NKTR: variants seen among roughly 807,000 people sequenced by gnomAD.
NKTR encodes natural killer cell triggering receptor.
A neutral mutation model predicts 156.3 loss-of-function variants in NKTR; 67 were observed. The observed-to-expected ratio is 0.43, with a 90% CI of 0.35 to 0.53. The LOEUF is 0.53. Ranked by LOEUF, NKTR falls within the 20% of genes least tolerant of loss-of-function variation. The probability of loss-of-function intolerance (pLI) is 0.01; values close to 1 mark genes in which losing one functional copy is unlikely to be tolerated. For synonymous variants in NKTR, 640 were observed against 596.6 expected (o/e 1.07, Z -1.06); for missense variants, 1,604 against 1,730.9 (o/e 0.93, Z 1.30).
chr3:42,633,431 T>C, intron 9 of NKTR, 149 bp from the exon 10 acceptor site: 1 of 1,415,256 alleles, frequency 7.1e-7, no homozygotes, highest in African/African-American at 1.4e-5. Context: ...GGGTTGATAT[T>C]GTTCTCTTTG....
At position 42,647,305 on chromosome 3, in the gene NKTR, T is replaced by TGTGTGTGG. The variant is rs1710417472; in HGVS notation, c.*1330_*1331insGTGTGTGG. ...GTGTGTGTGTGTGTGTGTGTGTGGT[T>TGTGTGTGG]TTTTTTTTTAATCTTTACTTTGAAT... On this transcript the variant is annotated 3_prime_UTR_variant, in exon 17 of 17. Coordinates refer to ENST00000232978, the MANE Select transcript of NKTR (RefSeq NM_005385.4). 2.0e-5 allele frequency: 3 copies of TGTGTGTGG among 146,758 alleles called. No individual in the cohort carries two copies. The highest frequency in any genetic ancestry group is 4.5e-5 in the Non-Finnish European group (3 of 66,398). 9.1% of individuals were successfully genotyped at this position (146,758 alleles called of 1,614,324 possible).
At chr3:42,636,632 T>C (rs973013217) in intron 12 of NKTR, among the ~76,000 whole-genome samples, 1 of 152,160 alleles carries the variant, frequency 6.6e-6, no homozygotes, top group Non-Finnish European at 1.5e-5. Flanking sequence ...TCCTAACAAA[T>C]GTAAGGTTCT....
rs567205257 is a variant in NKTR at position 42,601,151 on chromosome 3, C to T, written c.58+87C>T. 2.2e-3 allele frequency: 2,542 copies of T among 1,161,078 alleles called. 7 individuals are homozygous for T. Among genetic ancestry groups the T allele is most frequent in the Admixed American group, 3.0e-3 (98 of 33,200 alleles). The allele number at this position is 1,161,078 out of a possible 1,614,324, so 71.9% of individuals were successfully genotyped here. A position where few individuals can be genotyped will look rare whatever the true frequency, so the allele number is the denominator to read the frequency against. On this transcript the variant is annotated intron_variant, in intron 2 of 16. Coordinates refer to ENST00000232978, the MANE Select transcript of NKTR (RefSeq NM_005385.4). The stretch of plus-strand genomic sequence containing the variant: ...CTACCCTCAGCAACCCTCCCCCGGC[C>T]TTTTTGGGAGCGGGTAGGAGGCGCA...
intron 12 of NKTR, 67 bp downstream of exon 12, chr3:42,635,433 C>A (rs17074693): frequency 0.15 from 178,808 of 1,220,670 alleles, 14,580 homozygotes; most frequent in African/African-American, 0.3. Flanking sequence ...GGATTGGATA[C>A]AATTCTGGAC....
In NKTR at chr3:42,638,430, A is replaced by G; in HGVS notation, c.2726A>G (p.Lys909Arg). The change falls in exon 13 of 17, where the codon AAG becomes AGG. Residue 909 changes from lysine (K) to arginine (R), a missense_variant. This residue lies in a region of NKTR where 1,255 missense variants were observed against 1,243.7 expected (regional missense o/e 1.01). Transcript: ENST00000232978. The stretch of plus-strand genomic sequence containing the variant: ...AATGACTCCCATCCATCCTCTGACA[A>G]GGAAGAAGGTGAGGCCACATCCGAT... ...SKNDSHPSSD[K>R]EEGEATSDSE... The G allele has an allele frequency of 6.2e-7, 1 of 1,613,370 alleles. No individual in the cohort carries two copies. The highest frequency in any genetic ancestry group is 8.5e-7 in the Non-Finnish European group (1 of 1,179,812).
chr3:42,635,062 A>G (rs1378892454), intron 11 of NKTR, 159 bp from the exon 12 acceptor site: 7 of 255,484 alleles, frequency 2.7e-5, no homozygotes, highest in Non-Finnish European at 4.2e-5. Flanking sequence ...AAAACTAAAA[A>G]AAAAAAAAAA....
intron 14 of NKTR, 76 bp from the exon 15 acceptor site, chr3:42,643,263 T>A: frequency 8.6e-7 from 1 of 1,165,360 alleles, no homozygotes. Context: ...GATGGGCAAA[T>A]AAATGTCTAG....
chr3:42,635,012 T>G (rs1335461906), intron 11 of NKTR: 1 of 449,912 alleles, frequency 2.2e-6, no homozygotes, highest in Non-Finnish European at 3.9e-6. Flanking sequence ...TTTTAATGCC[T>G]TGTTTGAAAT....
rs1705328453 is a variant in NKTR, at chr3:42,600,878, G to A, written c.-24+100G>A. 5 of 655,530 alleles carry A rather than the reference G, an allele frequency of 7.6e-6. No individual in the cohort carries two copies. The Admixed American group carries it at 1.7e-4, about 23-fold the overall frequency. The allele number at this position is 655,530 out of a possible 1,614,324, so 40.6% of individuals were successfully genotyped here. On this transcript the variant is annotated intron_variant, in intron 1 of 16. Transcript: ENST00000232978. The stretch of plus-strand genomic sequence containing the variant: ...GCCTCCTGCGCTGTCGCGACGGGCC[G>A]GCGTGAGGCACCGTGGCGCGGACTT...
chr3:42,607,743 T>C (rs1306894365), intron 2 of NKTR, among the ~76,000 whole-genome samples: 2 of 151,994 alleles, frequency 1.3e-5, no homozygotes, highest in Admixed American at 1.3e-4. Flanking sequence ...GGAAAAAACA[T>C]GTAAAGGGCA....
intron 6 of NKTR, chr3:42,628,731 G>C (rs758062641): frequency 2.8e-5 from 27 of 975,112 alleles, no homozygotes; most frequent in Non-Finnish European, 3.2e-5. Context: ...GCTGGGTGTG[G>C]TGGCTCATGC....
chr3:42,632,978 G>T (rs973819409), intron 9 of NKTR, 155 bp downstream of exon 9: 13 of 1,313,712 alleles, frequency 9.9e-6, no homozygotes, highest in African/African-American at 1.5e-5. Context: ...TCTAGGAGTA[G>T]GTAGCATAGG....
Position 42,619,793 on chromosome 3 carries a change from A to G in NKTR, c.286+85A>G. The G allele has an allele frequency of 1.9e-6, 3 of 1,555,236 alleles. No homozygotes were observed. In the South Asian group the frequency reaches 3.7e-5, roughly 19 times the overall value. Reference sequence around the variant, plus strand: ...ATATACTTTTAATGAGAAGAGGTTTACTTATAGTTCACTTTTTGCATGAAA... The same window carrying G: ...ATATACTTTTAATGAGAAGAGGTTTGCTTATAGTTCACTTTTTGCATGAAA... On this transcript the variant is annotated intron_variant, in intron 5 of 16. Transcript: ENST00000232978.
intron 2 of NKTR, among the ~76,000 whole-genome samples, chr3:42,615,471 T>A (rs1006475050): frequency 6.6e-6 from 1 of 152,034 alleles, no homozygotes; most frequent in African/African-American, 2.4e-5. Flanking sequence ...TGTTTTCAAG[T>A]GTGTGTTGTA....
In NKTR at chr3:42,638,286, T is replaced by A; in HGVS notation, c.2582T>A (p.Leu861Ter). 1 of 1,606,252 alleles carries A rather than the reference T, an allele frequency of 6.2e-7. No homozygotes were observed. Among genetic ancestry groups the A allele is most frequent in the South Asian group, 1.1e-5 (1 of 89,254 alleles). ...RECPHSKKRTLKENLSDHLRN... is the reference protein window; with the variant it reads ...RECPHSKKRT The stretch of plus-strand genomic sequence containing the variant: ...TGCCCTCATTCAAAAAAAAGAACTT[T>A]GAAAGAGAATCTTTCTGATCACCTT... The change falls in exon 13 of 17, where the codon TTG becomes TAG. Residue 861 changes from leucine (L) to a stop codon, truncating the protein, a stop_gained. Transcript: ENST00000232978. LOFTEE classifies it high-confidence loss of function.
chr3:42,629,662 G>A (rs571430408), intron 6 of NKTR: 1 of 978,390 alleles, frequency 1.0e-6, no homozygotes, highest in South Asian at 4.7e-5. Flanking sequence ...TATAAATCAA[G>A]ATGCTTGTAG....
rs1275735271 is a variant in NKTR, at chr3:42,637,680, G to A, written c.1976G>A (p.Gly659Asp). 3.1e-6 allele frequency: 5 copies of A among 1,613,876 alleles called. No homozygotes were observed. In the East Asian group the frequency reaches 1.1e-4, roughly 36 times the overall value. The change falls in exon 13 of 17, where the codon GGT (glycine) becomes GAT (aspartate). Residue 659 changes from glycine to aspartate, a missense_variant. Around this residue, in one of 6 missense-constraint regions of NKTR, gnomAD observed 1,255 missense variants for 1,243.7 expected, o/e 1.01. Transcript: ENST00000232978. ...AGTTTAGCAAATATTAAAGAGACTG[G>A]TAGCTCATCATCCTACCATAAAAGA... ...TYSLANIKET[G>D]SSSSYHKREK...
chr3:42,636,282 G>T (rs1709405944), intron 12 of NKTR, among the ~76,000 whole-genome samples: 1 of 152,194 alleles, frequency 6.6e-6, no homozygotes, highest in Non-Finnish European at 1.5e-5. Context: ...ACACAGTGGT[G>T]CTGAGGACTT....
chr3:42,632,122 TG>T (rs1708972329), intron 8 of NKTR, among the ~76,000 whole-genome samples: 1 of 141,230 alleles, frequency 7.1e-6, no homozygotes, highest in African/African-American at 2.7e-5. Context: ...CAGGCTGGAG[TG>T]CAGTGGCACT....
Sources: allele counts gnomAD v4.1 joint callset (sites outside exome capture counted in the v4.1 genomes callset), GRCh38; gene constraint gnomAD v4.1.1; regional missense constraint gnomAD v4.1.1; transcripts MANE v1.5; gene names NCBI Gene and HGNC (gene_info 2026-07-23, HGNC 2026-07-21).